HCFC1: variants seen among roughly 807,000 people sequenced by gnomAD.
HCFC1 encodes the protein host cell factor C1, also known as host cell factor 1.
A neutral mutation model predicts 105.5 loss-of-function variants in HCFC1; 7 were observed. That is an observed-to-expected ratio of 0.07 (90% confidence interval 0.04 to 0.12). The LOEUF (loss-of-function observed/expected upper bound fraction) is 0.12, where lower values mean the gene tolerates loss of function less well. HCFC1 is among the 10% of genes least tolerant of loss of function. HCFC1 has a pLI of 1.00. For missense variants in HCFC1, 1,065 were observed against 1,823.6 expected (o/e 0.58, Z 7.58); for synonymous variants, 918 against 828.1 (o/e 1.11, Z -1.86).
In HCFC1 at chrX:153,962,084, G is replaced by C. The variant is rs781980098; in HGVS notation, c.797+138C>G. The C allele has an allele frequency of 9.2e-5, 44 of 476,635 alleles. No homozygotes were observed. The Admixed American group carries it at 1.2e-3, about 13-fold the overall frequency. 39.3% of individuals were successfully genotyped at this position (476,635 alleles called of 1,213,427 possible). A position where few individuals can be genotyped will look rare whatever the true frequency, so the allele number is the denominator to read the frequency against. On this transcript the variant is annotated intron_variant, in intron 5 of 25. Coordinates refer to ENST00000310441, the MANE Select transcript of HCFC1 (RefSeq NM_005334.3). ...CCCCCAGGGTCGTAATGGAAAAACA[G>C]GGCTGCCAAATGCCAGCCCAGCCAG...
intron 2 of HCFC1, 54 bp from the exon 3 acceptor site, chrX:153,964,338 G>C (rs1486156722): frequency 1.4e-5 from 15 of 1,083,617 alleles, no homozygotes; most frequent in Non-Finnish European, 1.8e-5. Flanking sequence ...CCACCACTAG[G>C]GACCCGGGGC....
In HCFC1 at chrX:153,953,965, C is replaced by G. The variant is rs1402952244; in HGVS notation, c.4333+101G>C. ...ACTGGTAAATTGGGTGCCAAGGAGCCTGACTGGTGGACTCTGGACGGACCC... is the reference window on the plus strand; with the variant it reads ...ACTGGTAAATTGGGTGCCAAGGAGCGTGACTGGTGGACTCTGGACGGACCC... On this transcript the variant is annotated intron_variant, in intron 17 of 25. Coordinates refer to ENST00000310441, the MANE Select transcript of HCFC1 (RefSeq NM_005334.3). 5.9e-6 allele frequency: 6 copies of G among 1,013,016 alleles called. No individual in the cohort carries two copies. The Admixed American group carries it at 1.6e-4, about 27-fold the overall frequency. 83.5% of individuals were successfully genotyped at this position (1,013,016 alleles called of 1,213,427 possible).
chrX:153,964,650 G>A lies in HCFC1; in HGVS notation c.270C>T (p.Asp90=), dbSNP rs782320422. ...PGCAAYGFVC[D]GTRLLVFGGM... is the part of the protein sequence containing the mutation. ...CACCAAACACCAGGAGGCGAGTCCC[G>A]TCACACACGAAGCCATAGGCTGCAC... Residue 90 remains aspartate (D), a synonymous_variant, in exon 2 of 26, where the codon GAC becomes GAT. Transcript: ENST00000310441. 85 of 1,203,742 alleles carry A rather than the reference G, an allele frequency of 7.1e-5. No individual in the cohort carries two copies. Among genetic ancestry groups the A allele is most frequent in the South Asian group, 1.6e-4 (9 of 55,238 alleles).
At position 153,957,377 on chromosome X, in the gene HCFC1, C is replaced by T; in HGVS notation, c.2290G>A (p.Gly764Ser). 11 of 1,208,133 alleles carry T rather than the reference C, an allele frequency of 9.1e-6. No individual in the cohort carries two copies. The highest frequency in any genetic ancestry group is 1.2e-5 in the Non-Finnish European group (11 of 893,181). ...ATGGTTTTGATGATGGTGGTCGTGC[C>T]GGGCTTGGTGGTACTGGGGGAGACG... is the stretch of plus-strand genomic sequence containing the variant. ...SSVSPSTTKP[G>S]TTTIIKTIPM... The change falls in exon 13 of 26, where the codon GGC becomes AGC. Residue 764 changes from glycine to serine, a missense_variant. Gly to Ser is a moderately conservative substitution (Grantham distance 56). Transcript: ENST00000310441.
rs1557119969 is a variant in HCFC1, at chrX:153,970,879, C to A, written c.-39G>T. 1 of 1,072,947 alleles carries A rather than the reference C, an allele frequency of 9.3e-7. No homozygotes were observed. Among genetic ancestry groups the A allele is most frequent in the Non-Finnish European group, 1.2e-6 (1 of 808,539 alleles). 88.4% of individuals were successfully genotyped at this position (1,072,947 alleles called of 1,213,427 possible). A position where few individuals can be genotyped will look rare whatever the true frequency, so the allele number is the denominator to read the frequency against. ...GGTGCGGTGGGGAGAAGTCAACAAG[C>A]GGGAAGGGAGCCCCTCAATTCCTTT... On this transcript the variant is annotated 5_prime_UTR_variant, in exon 1 of 26. Transcript: ENST00000310441.
Position 153,970,053 on chromosome X carries a change from T to C in HCFC1, c.193+595A>G, listed in dbSNP as rs190950028. Reference sequence around the variant, plus strand: ...ACTCTGCGTCCTAAGAGCGCTTCCCTTCCCTCCCTTTTTCGAGAGACAGAG... The same window carrying C: ...ACTCTGCGTCCTAAGAGCGCTTCCCCTCCCTCCCTTTTTCGAGAGACAGAG... On this transcript the variant is annotated intron_variant, in intron 1 of 25. Transcript: ENST00000310441. 673 of 112,328 alleles carry C rather than the reference T, an allele frequency of 6.0e-3. 4 individuals are homozygous for C. Among genetic ancestry groups the C allele is most frequent in the Non-Finnish European group, 0.01 (556 of 53,091 alleles). The allele number at this position is 112,328 out of a possible 1,213,427, so 9.3% of individuals were successfully genotyped here.
At chrX:153,949,638 C>T (rs782095890) in intron 24 of HCFC1, 22 bp from the exon 25 acceptor site, 9 of 1,178,020 alleles carry the variant, frequency 7.6e-6, no homozygotes, top group Middle Eastern at 2.3e-4. Context: ...GGGAGAGATG[C>T]GTGAGCAGCA....
rs372903122 is a variant in HCFC1, at chrX:153,951,929, G to A, written c.5172C>T (p.Asn1724=). Residue 1724 remains asparagine, a synonymous_variant, in exon 20 of 26, where the codon AAC becomes AAT. Transcript: ENST00000310441. ...TEALAPADSL[N]DPAIESNCLN... ...GGCAATTGCTCTCAATGGCTGGGTCGTTGAGACTGTCGGCAGGGGCCAGGG... is the reference window on the plus strand; with the variant it reads ...GGCAATTGCTCTCAATGGCTGGGTCATTGAGACTGTCGGCAGGGGCCAGGG... 4.2e-6 allele frequency: 5 copies of A among 1,187,131 alleles called. No homozygotes were observed. In the African/African-American group the frequency reaches 5.2e-5, roughly 12 times the overall value.
intron 16 of HCFC1, 31 bp downstream of exon 16, chrX:153,956,160 C>T (rs1557114863): frequency 4.3e-6 from 5 of 1,164,316 alleles, no homozygotes; most frequent in South Asian, 1.8e-5. Context: ...TGGGGTCCCT[C>T]GCCCACACGT....
Position 153,957,553 on chromosome X carries a change from G to A in HCFC1, c.2134-20C>T. ...TTTGGTCTGAAAGGGGGAAGCAGGT[G>A]CATGAGCCGGCATCACTGCCAGGAA... On this transcript the variant is annotated intron_variant, in intron 12 of 25. Coordinates refer to ENST00000310441, the MANE Select transcript of HCFC1 (RefSeq NM_005334.3). 1.8e-6 allele frequency: 2 copies of A among 1,105,585 alleles called. No individual in the cohort carries two copies. The highest frequency in any genetic ancestry group is 2.5e-6 in the Non-Finnish European group (2 of 808,093). The allele number at this position is 1,105,585 out of a possible 1,213,427, so 91.1% of individuals were successfully genotyped here.
Position 153,948,482 on chromosome X carries a change from T to TA in HCFC1, c.*864dup, listed in dbSNP as rs2065276773. 2 of 106,199 alleles carry TA rather than the reference T, an allele frequency of 1.9e-5. No homozygotes were observed. Among genetic ancestry groups the TA allele is most frequent in the South Asian group, 7.8e-4 (2 of 2,560 alleles). 8.8% of individuals were successfully genotyped at this position (106,199 alleles called of 1,213,427 possible). A position where few individuals can be genotyped will look rare whatever the true frequency, so the allele number is the denominator to read the frequency against. On this transcript the variant is annotated 3_prime_UTR_variant, in exon 26 of 26. Coordinates refer to ENST00000310441, the MANE Select transcript of HCFC1 (RefSeq NM_005334.3). Reference sequence around the variant, plus strand: ...CAAGAATTAGCCAAGAAGAAAAAAGTAAAAAAACAAAAACAAAACAAAACA... The same window carrying TA: ...CAAGAATTAGCCAAGAAGAAAAAAGTAAAAAAAACAAAAACAAAACAAAACA...
chrX:153,949,651 G>A, intron 24 of HCFC1, 35 bp from the exon 25 acceptor site: 2 of 1,135,469 alleles, frequency 1.8e-6, no homozygotes, highest in South Asian at 1.8e-5. Flanking sequence ...GAGCAGCATT[G>A]TGACAGAACG....
At chrX:153,957,180 T>G in intron 13 of HCFC1, 120 bp from the exon 14 acceptor site, 1 of 991,242 alleles carries the variant, frequency 1.0e-6, no homozygotes, top group East Asian at 3.1e-5. Flanking sequence ...CTCACTACCC[T>G]TAGACACAAA....
At chrX:153,949,680 G>A (rs368239914) in intron 24 of HCFC1, 64 bp from the exon 25 acceptor site, 40 of 975,450 alleles carry the variant, frequency 4.1e-5, no homozygotes, top group South Asian at 5.9e-5. Flanking sequence ...GAACACATGC[G>A]CCCTGCCCGC....
At chrX:153,961,884 G>A (rs1231551367) in intron 5 of HCFC1, among the ~76,000 whole-genome samples, 2 of 111,992 alleles carry the variant, frequency 1.8e-5, no homozygotes, top group Admixed American at 9.4e-5. Context: ...TCACCTTCAT[G>A]TCCACAGTTT....
rs1322440288 is a variant in HCFC1 at position 153,957,471 on chromosome X, G to A, written c.2196C>T (p.Pro732=). Reference sequence around the variant, plus strand: ...CCTGCGTGGTAGTGATGATGGTGGTGGGCTTGCCATCTGCTGAGGTCACCA... The same window carrying A: ...CCTGCGTGGTAGTGATGATGGTGGTAGGCTTGCCATCTGCTGAGGTCACCA... ...LKLVTSADGK[P]TTIITTTQAS... The change falls in exon 13 of 26, where the codon CCC becomes CCT. Residue 732 remains proline (P), a synonymous_variant. Transcript: ENST00000310441. The A allele has an allele frequency of 2.5e-6, 3 of 1,209,658 alleles. No individual in the cohort carries two copies. In the Admixed American group the frequency reaches 6.5e-5, roughly 26 times the overall value.
At chrX:153,966,647 G>A (rs1378716025) in intron 1 of HCFC1, among the ~76,000 whole-genome samples, 1 of 112,498 alleles carries the variant, frequency 8.9e-6, no homozygotes, top group Non-Finnish European at 1.9e-5. Flanking sequence ...AACTGCTCTC[G>A]GTAGGTAAAG....
intron 19 of HCFC1, 47 bp from the exon 20 acceptor site, chrX:153,952,205 G>A: frequency 6.5e-6 from 7 of 1,082,874 alleles, no homozygotes; most frequent in Non-Finnish European, 8.3e-6. Context: ...AGGCTGGCCA[G>A]AAGCGGGCAG....
rs896942531 is a variant in HCFC1 at position 153,949,193 on chromosome X, T to C, written c.*154A>G. The C allele has an allele frequency of 2.2e-6, 1 of 453,164 alleles. No individual in the cohort carries two copies. 37.3% of individuals were successfully genotyped at this position (453,164 alleles called of 1,213,427 possible). A position where few individuals can be genotyped will look rare whatever the true frequency, so the allele number is the denominator to read the frequency against. ...AAAATGTGCTTTCTTTAGATTATTT[T>C]AAAAACAGAGAGAAAGAGAAAGGGG... On this transcript the variant is annotated 3_prime_UTR_variant, in exon 26 of 26. Coordinates refer to ENST00000310441, the MANE Select transcript of HCFC1 (RefSeq NM_005334.3).
Sources: allele counts gnomAD v4.1 joint callset (sites outside exome capture counted in the v4.1 genomes callset), GRCh38; gene constraint gnomAD v4.1.1; transcripts MANE v1.5; gene names NCBI Gene and HGNC (gene_info 2026-07-23, HGNC 2026-07-21).